The following MACROD2 variants were observed in gnomAD, a reference collection of about 807,000 sequenced individuals.
MACROD2 encodes the protein mono-ADP ribosylhydrolase 2.
A neutral mutation model predicts 70.4 loss-of-function variants in MACROD2; 36 were observed. The ratio of observed to expected loss-of-function variants is 0.51; its 90% CI spans 0.39 to 0.68. The LOEUF (loss-of-function observed/expected upper bound fraction) is 0.68, where lower values mean the gene tolerates loss of function less well. Among genes scored for constraint, MACROD2 ranks in the 30% least tolerant of loss-of-function variants. The pLI, the probability that MACROD2 is intolerant of heterozygous loss-of-function variation, is 0.00. For synonymous variants in MACROD2, 172 were observed against 178.8 expected (o/e 0.96, Z 0.30); for missense variants, 496 against 538.4 (o/e 0.92, Z 0.78).
At chr20:15,233,490 A>G (rs2076977209) in intron 6 of MACROD2, among the ~76,000 whole-genome samples, 1 of 152,112 alleles carries the variant, frequency 6.6e-6, no homozygotes, top group Admixed American at 6.5e-5. Context: ...AGTCATACAT[A>G]ATTATTTAGA....
intron 13 of MACROD2, 53 bp from the exon 14 acceptor site, chr20:15,986,674 C>A: frequency 7.1e-7 from 1 of 1,400,772 alleles, no homozygotes; most frequent in Non-Finnish European, 1.0e-6. Flanking sequence ...AGGAATAAAG[C>A]TACGGTCATG....
intron 4 of MACROD2, among the ~76,000 whole-genome samples, chr20:14,683,622 T>G (rs1222797522): frequency 6.6e-6 from 1 of 152,198 alleles, no homozygotes; most frequent in African/African-American, 2.4e-5. Flanking sequence ...CTCCCTGCCA[T>G]GCAGTGGCAG....
At chr20:14,783,220 A>T (rs1464987433) in intron 5 of MACROD2, among the ~76,000 whole-genome samples, 1 of 152,160 alleles carries the variant, frequency 6.6e-6, no homozygotes, top group Admixed American at 6.5e-5. Context: ...ATGTGTATGA[A>T]TACCATAGAA....
chr20:14,865,848 G>T (rs1600743988), intron 5 of MACROD2, among the ~76,000 whole-genome samples: 1 of 152,008 alleles, frequency 6.6e-6, no homozygotes, highest in South Asian at 2.1e-4. Flanking sequence ...TGATTTATAT[G>T]GCACTGCTTT....
At chr20:16,049,325 G>A (rs867797814) in intron 17 of MACROD2, among the ~76,000 whole-genome samples, 6 of 152,220 alleles carry the variant, frequency 3.9e-5, no homozygotes, top group South Asian at 2.1e-4. Context: ...AAAATAAAGA[G>A]TATAGGTTTT....
intron 3 of MACROD2, among the ~76,000 whole-genome samples, chr20:14,255,575 A>T (rs1167535124): frequency 2.6e-5 from 4 of 151,916 alleles, no homozygotes; most frequent in Non-Finnish European, 5.9e-5. Flanking sequence ...TAGGAGATGT[A>T]CCTAATGCTA....
At chr20:14,702,749 C>T (rs977676526) in intron 5 of MACROD2, among the ~76,000 whole-genome samples, 9 of 144,400 alleles carry the variant, frequency 6.2e-5, no homozygotes, top group South Asian at 2.2e-4. Context: ...TTTTTTGAGA[C>T]GGAGTTTTTC....
intron 12 of MACROD2, among the ~76,000 whole-genome samples, 169 bp from the exon 13 acceptor site, chr20:15,967,384 G>A (rs1431560711): frequency 6.6e-6 from 1 of 151,716 alleles, no homozygotes; most frequent in African/African-American, 2.4e-5. Context: ...ACATAGTATG[G>A]GGGGAAAAAA....
chr20:14,487,442 A>G (rs1205567498), intron 3 of MACROD2, among the ~76,000 whole-genome samples: 3 of 152,188 alleles, frequency 2.0e-5, no homozygotes, highest in Admixed American at 6.5e-5. Flanking sequence ...CTCAAGGTCA[A>G]TGATAGAGTC....
At chr20:14,317,969 A>G (rs1294901054) in intron 3 of MACROD2, among the ~76,000 whole-genome samples, 1 of 152,222 alleles carries the variant, frequency 6.6e-6, no homozygotes, top group East Asian at 1.9e-4. Context: ...TGTATGTGTA[A>G]GACGTCACTA....
intron 8 of MACROD2, among the ~76,000 whole-genome samples, chr20:15,854,384 A>G (rs779867636): frequency 6.6e-5 from 10 of 152,160 alleles, no homozygotes; most frequent in Non-Finnish European, 1.3e-4. Context: ...GTCAACACCT[A>G]GCAGGAAAAT....
At chr20:16,011,647 G>A (rs932516170) in intron 15 of MACROD2, among the ~76,000 whole-genome samples, 6 of 152,196 alleles carry the variant, frequency 3.9e-5, no homozygotes, top group Non-Finnish European at 7.3e-5. Context: ...AAGGAGACAG[G>A]GAAGGCAGCT....
chr20:14,871,704 C>T (rs2073490364), intron 5 of MACROD2, among the ~76,000 whole-genome samples: 1 of 151,874 alleles, frequency 6.6e-6, no homozygotes, highest in African/African-American at 2.4e-5. Context: ...GCTAAATACC[C>T]CAAATGAAAA....
chr20:14,870,178 C>A (rs2073472335), intron 5 of MACROD2, among the ~76,000 whole-genome samples: 1 of 152,070 alleles, frequency 6.6e-6, no homozygotes. Context: ...ATTTAGCTCC[C>A]ACTTATAAGT....
At chr20:15,425,363 G>A (rs926882753) in intron 6 of MACROD2, among the ~76,000 whole-genome samples, 2 of 152,180 alleles carry the variant, frequency 1.3e-5, no homozygotes, top group African/African-American at 4.8e-5. Flanking sequence ...AAGAAAGCAT[G>A]TGTTATATTT....
intron 5 of MACROD2, among the ~76,000 whole-genome samples, chr20:15,121,513 CA>C (rs5840653): frequency 0.29 from 35,477 of 121,692 alleles, 5,169 homozygotes; most frequent in Middle Eastern, 0.39. Flanking sequence ...AACTCTGCCT[CA>C]AAAAAAAAAA....
chr20:14,772,915 C>A (rs1234634231), intron 5 of MACROD2, among the ~76,000 whole-genome samples: 1 of 151,798 alleles, frequency 6.6e-6, no homozygotes, highest in Non-Finnish European at 1.5e-5. Flanking sequence ...ATAACAAGTC[C>A]AAAGGTAGGC....
intron 6 of MACROD2, among the ~76,000 whole-genome samples, chr20:15,392,698 T>TTC (rs1207369218): frequency 6.6e-6 from 1 of 152,126 alleles, no homozygotes; most frequent in Non-Finnish European, 1.5e-5. Flanking sequence ...CTTCTTTTTG[T>TTC]TCTCTCTCTT....
intron 5 of MACROD2, among the ~76,000 whole-genome samples, chr20:14,769,440 ATTG>A (rs1471499531): frequency 3.9e-5 from 6 of 152,010 alleles, no homozygotes; most frequent in African/African-American, 1.5e-4. Context: ...CTTTTATTTT[ATTG>A]TTGTTGTGAG....
Sources: gnomAD v4.1 joint callset for allele counts (sites outside exome capture counted in the v4.1 genomes callset) on GRCh38, gnomAD v4.1.1 for gene constraint, MANE v1.5 for transcripts, NCBI Gene and HGNC (gene_info 2026-07-23, HGNC 2026-07-21) for gene names.